Variants in GALNT13 observed in about 807,000 individuals in gnomAD.
The protein encoded by GALNT13 is UDP-GalNAc:polypeptide N-acetylgalactosaminyltransferase 13.
In GALNT13, 28 loss-of-function variants were observed where a neutral mutation model predicts 64.2. That is an observed-to-expected ratio of 0.44 (90% CI 0.32 to 0.60). GALNT13 has a LOEUF of 0.60. Ranked by LOEUF, GALNT13 falls within the 20% of genes least tolerant of loss-of-function variation. The pLI, the probability that GALNT13 is intolerant of heterozygous loss-of-function variation, is 0.05. For synonymous variants in GALNT13, 214 were observed against 224.6 expected, an observed-to-expected ratio of 0.95 and a Z score of 0.42; for missense variants, 577 against 669.8, an observed-to-expected ratio of 0.86 and a Z score of 1.53.
At chr2:153,789,284 A>C in the GALNT13 span, among the ~76,000 whole-genome samples, 2 of 152,112 alleles carry the variant, frequency 1.3e-5, no homozygotes, top group Non-Finnish European at 2.9e-5. Context: ...TAAAATCAAG[A>C]CTAAAAAATT....
At chr2:153,227,041 A>G in the GALNT13 span, among the ~76,000 whole-genome samples, 8 of 152,208 alleles carry the variant, frequency 5.3e-5, no homozygotes, top group East Asian at 5.8e-4. Flanking sequence ...AAGCCAGATT[A>G]GCCTAATTCA....
the GALNT13 span, among the ~76,000 whole-genome samples, chr2:153,682,082 A>G: frequency 3.4e-4 from 52 of 151,874 alleles, no homozygotes; most frequent in African/African-American, 1.1e-3. Context: ...ACTGTACACT[A>G]CTATGCACCA....
intron 4 of GALNT13, among the ~76,000 whole-genome samples, chr2:154,152,417 G>A (rs920078292): frequency 6.6e-6 from 1 of 152,122 alleles, no homozygotes; most frequent in Non-Finnish European, 1.5e-5. Flanking sequence ...TCTTGGAGTA[G>A]CTCTTCTTGA....
At chr2:153,812,692 AT>A in the GALNT13 span, among the ~76,000 whole-genome samples, 1 of 152,108 alleles carries the variant, frequency 6.6e-6, no homozygotes, top group Non-Finnish European at 1.5e-5. Context: ...TCCCTTTAAT[AT>A]TTTCCCCTCT....
intron 3 of GALNT13, among the ~76,000 whole-genome samples, chr2:154,026,617 G>T (rs980971820): frequency 6.6e-6 from 1 of 152,192 alleles, no homozygotes; most frequent in Non-Finnish European, 1.5e-5. Flanking sequence ...GTTCTCACAT[G>T]CAGGAGAGAG....
At chr2:154,411,440 A>C (rs1699791061) in intron 11 of GALNT13, among the ~76,000 whole-genome samples, 1 of 151,686 alleles carries the variant, frequency 6.6e-6, no homozygotes, top group Admixed American at 6.6e-5. Flanking sequence ...TGGTTAAATA[A>C]AGCATGGTAT....
At chr2:153,195,652 A>G in the GALNT13 span, among the ~76,000 whole-genome samples, 1 of 152,220 alleles carries the variant, frequency 6.6e-6, no homozygotes, top group Non-Finnish European at 1.5e-5. Context: ...CCAAAGGGCC[A>G]CAGCTCTTCT....
At chr2:153,598,530 T>A in the GALNT13 span, among the ~76,000 whole-genome samples, 1 of 152,200 alleles carries the variant, frequency 6.6e-6, no homozygotes. Flanking sequence ...TATTTTTATT[T>A]ATATGATAGC....
At chr2:154,223,668 C>T (rs1688441903) in intron 4 of GALNT13, among the ~76,000 whole-genome samples, 1 of 151,754 alleles carries the variant, frequency 6.6e-6, no homozygotes, top group African/African-American at 2.4e-5. Flanking sequence ...TCAGACTGGT[C>T]TCGAATAAAT....
chr2:153,103,519 G>T, the GALNT13 span, among the ~76,000 whole-genome samples: 1 of 152,212 alleles, frequency 6.6e-6, no homozygotes, highest in Non-Finnish European at 1.5e-5. Flanking sequence ...GAAGAATATG[G>T]AATTTTAAGA....
At chr2:153,841,797 C>A in the GALNT13 span, among the ~76,000 whole-genome samples, 1 of 152,108 alleles carries the variant, frequency 6.6e-6, no homozygotes, top group Non-Finnish European at 1.5e-5. Flanking sequence ...TAAGGTCCTT[C>A]TTTATTAAGT....
At position 154,225,160 on chromosome 2, in the gene GALNT13, T is replaced by TGATAGATGATAGATAGATA. The variant is rs1553499133; in HGVS notation, c.312-16863_312-16862insGATAGATAGATAGATAGAT. Among the ~76,000 whole-genome samples, 479 of 137,960 alleles carry TGATAGATGATAGATAGATA rather than the reference T, an allele frequency of 3.5e-3. 4 individuals are homozygous for TGATAGATGATAGATAGATA. Among genetic ancestry groups the TGATAGATGATAGATAGATA allele is most frequent in the African/African-American group, 0.01 (364 of 36,350 alleles). 90.5% of individuals were successfully genotyped at this position (137,960 alleles called of 152,430 possible). ...GATAGATAGATGACAGATAGATAGA[T>TGATAGATGATAGATAGATA]GATAGATAGATAGATAGATAGATAG... On this transcript the variant is annotated intron_variant, in intron 4 of 12. Transcript: ENST00000392825.
At chr2:153,613,398 A>AT in the GALNT13 span, among the ~76,000 whole-genome samples, 18 of 152,146 alleles carry the variant, frequency 1.2e-4, no homozygotes, top group African/African-American at 3.9e-4. Flanking sequence ...AAATATGTGC[A>AT]TTTTTTCTGG....
chr2:153,405,578 C>T, the GALNT13 span, among the ~76,000 whole-genome samples: 1 of 152,162 alleles, frequency 6.6e-6, no homozygotes, highest in African/African-American at 2.4e-5. Context: ...GGAGCCCAAC[C>T]TCAGGGAGTT....
the GALNT13 span, among the ~76,000 whole-genome samples, chr2:153,445,938 G>T: frequency 6.6e-6 from 1 of 152,044 alleles, no homozygotes; most frequent in African/African-American, 2.4e-5. Context: ...GAAAGATGAT[G>T]ATTTTTGTTT....
At chr2:153,863,727 A>G in the GALNT13 span, among the ~76,000 whole-genome samples, 1 of 152,298 alleles carries the variant, frequency 6.6e-6, no homozygotes, top group South Asian at 2.1e-4. Flanking sequence ...ATAATTATGT[A>G]ATTTAATATA....
the GALNT13 span, among the ~76,000 whole-genome samples, chr2:153,122,451 G>A: frequency 2.6e-5 from 4 of 152,302 alleles, no homozygotes; most frequent in African/African-American, 9.6e-5. Flanking sequence ...TCGATTTACA[G>A]TCATACAGCT....
At chr2:153,134,728 G>C in the GALNT13 span, among the ~76,000 whole-genome samples, 1 of 152,072 alleles carries the variant, frequency 6.6e-6, no homozygotes, top group Admixed American at 6.6e-5. Flanking sequence ...CTCCAGGGAA[G>C]CTTTGTGCCA....
At chr2:153,947,717 T>G (rs904309058) in intron 3 of GALNT13, among the ~76,000 whole-genome samples, 1 of 152,146 alleles carries the variant, frequency 6.6e-6, no homozygotes, top group Admixed American at 6.6e-5. Flanking sequence ...TTGCTTTTGT[T>G]GAAATTGCTT....
Sources: gnomAD v4.1 joint callset for allele counts (sites outside exome capture counted in the v4.1 genomes callset) on GRCh38, gnomAD v4.1.1 for gene constraint, MANE v1.5 for transcripts, NCBI Gene and HGNC (gene_info 2026-07-23, HGNC 2026-07-21) for gene names.